The following DNAI3 variants were observed in gnomAD, a reference collection of about 807,000 sequenced individuals.
DNAI3 encodes the protein WD repeat domain 63.
DNAI3 carries 83 observed loss-of-function variants against 115.5 expected under a neutral mutation model. That is an observed-to-expected ratio of 0.72 (90% CI 0.60 to 0.86). The LOEUF is 0.86. Ranked by LOEUF, DNAI3 falls within the 40% of genes least tolerant of loss-of-function variation. DNAI3 has a pLI of 0.00. For synonymous variants in DNAI3, 320 were observed against 347.0 expected (o/e 0.92, Z 0.86); for missense variants, 1,004 against 1,075.8 (o/e 0.93, Z 0.93).
chr1:85,119,315 C>T (rs1015632625), intron 17 of DNAI3, among the ~76,000 whole-genome samples: 1 of 152,206 alleles, frequency 6.6e-6, no homozygotes, highest in South Asian at 2.1e-4. Flanking sequence ...GGCGTCTGTA[C>T]GCACTAAACA....
chr1:85,117,578 G>A lies in DNAI3; in HGVS notation c.1787-151G>A, dbSNP rs182102673. On this transcript the variant is annotated intron_variant, in intron 16 of 22. Coordinates refer to ENST00000294664, the MANE Select transcript of DNAI3 (RefSeq NM_145172.5). Reference sequence around the variant, plus strand: ...AAAAGAGGGTTCTTTTGCTAAATTAGAAATCTAAAAATGCTTGGACTTATG... The same window carrying A: ...AAAAGAGGGTTCTTTTGCTAAATTAAAAATCTAAAAATGCTTGGACTTATG... The A allele has an allele frequency of 1.0e-4, 113 of 1,081,214 alleles. No individual in the cohort carries two copies. In the East Asian group the frequency reaches 2.6e-3, roughly 25 times the overall value. 67.0% of individuals were successfully genotyped at this position (1,081,214 alleles called of 1,614,324 possible). A position where few individuals can be genotyped will look rare whatever the true frequency, so the allele number is the denominator to read the frequency against.
At chr1:85,075,010 C>A (rs569759212) in intron 3 of DNAI3, among the ~76,000 whole-genome samples, 3 of 152,296 alleles carry the variant, frequency 2.0e-5, no homozygotes, top group African/African-American at 7.2e-5. Flanking sequence ...TGTTTTCTCC[C>A]AGATAGCACT....
chr1:85,087,233 C>T (rs1042972192), intron 7 of DNAI3, among the ~76,000 whole-genome samples: 7 of 151,926 alleles, frequency 4.6e-5, no homozygotes, highest in Non-Finnish European at 8.8e-5. Context: ...GTCAAGAGAT[C>T]GAGACCATCC....
At chr1:85,071,340 C>T (rs1654265484) in intron 1 of DNAI3, among the ~76,000 whole-genome samples, 2 of 152,292 alleles carry the variant, frequency 1.3e-5, no homozygotes, top group South Asian at 4.2e-4. Flanking sequence ...TGACCTTGGC[C>T]AGTGTTCTGT....
intron 13 of DNAI3, among the ~76,000 whole-genome samples, chr1:85,103,921 TAATAATAATA>T: frequency 6.8e-6 from 1 of 147,298 alleles, no homozygotes; most frequent in Admixed American, 6.8e-5. Flanking sequence ...ATAATAATAA[TAATAATAATA>T]ATTTATGAAT....
intron 5 of DNAI3, among the ~76,000 whole-genome samples, chr1:85,084,275 T>C (rs981008455): frequency 2.6e-5 from 3 of 114,242 alleles, no homozygotes; most frequent in African/African-American, 5.9e-5. Context: ...TATATATATA[T>C]ATACACATCC....
In DNAI3 at chr1:85,132,985, T is replaced by C; in HGVS notation, c.2663T>C (p.Met888Thr). ...AAAGTCACAGAGAAGGGGTCATACA[T>C]GGAGGTGATGTAAAAAAGCTTCCTG... ...LIKVTEKGSY[M>T]EVM Residue 888 changes from methionine to threonine, a missense_variant, in exon 23 of 23, where the codon ATG becomes ACG. Physicochemically the swap from Met to Thr is moderately conservative, Grantham distance 81 (BLOSUM62 -1). Around this residue, in one of 3 missense-constraint regions of DNAI3, gnomAD observed 429 missense variants for 454.3 expected, o/e 0.94. Coordinates refer to ENST00000294664, the MANE Select transcript of DNAI3 (RefSeq NM_145172.5). 2 of 1,609,838 alleles carry C rather than the reference T, an allele frequency of 1.2e-6. No homozygotes were observed. Among genetic ancestry groups the C allele is most frequent in the Non-Finnish European group, 1.7e-6 (2 of 1,178,906 alleles).
intron 16 of DNAI3, among the ~76,000 whole-genome samples, chr1:85,115,364 A>G (rs817464): frequency 0.14 from 21,596 of 152,212 alleles, 2,220 homozygotes; most frequent in African/African-American, 0.29. Flanking sequence ...CAGTTTACTC[A>G]TCCTTGGAGG....
At chr1:85,064,801 G>C (rs897143002) in intron 1 of DNAI3, among the ~76,000 whole-genome samples, 3 of 152,120 alleles carry the variant, frequency 2.0e-5, no homozygotes, top group Non-Finnish European at 4.4e-5. Flanking sequence ...GGGAGGCCGA[G>C]GCAGGCAGAT....
intron 1 of DNAI3, among the ~76,000 whole-genome samples, chr1:85,066,768 G>GA (rs909270122): frequency 6.6e-6 from 1 of 151,880 alleles, no homozygotes; most frequent in Non-Finnish European, 1.5e-5. Flanking sequence ...CAACTTAATA[G>GA]AAAAAAGTTT....
At position 85,084,652 on chromosome 1, in the gene DNAI3, A is replaced by G. The variant is rs369105393; in HGVS notation, c.497A>G (p.Glu166Gly). 5.8e-6 allele frequency: 9 copies of G among 1,557,692 alleles called. No homozygotes were observed. The African/African-American group carries it at 9.7e-5, about 17-fold the overall frequency. ...VSKPWVSLGS[E>G]KEIEEESVTE... ...AAACCATGGGTTTCTTTGGGCAGTG[A>G]AAAAGAAATTGAGGAAGAATCAGTT... The change falls in exon 6 of 23, where the codon GAA becomes GGA. Residue 166 changes from glutamate (E) to glycine (G), a missense_variant. Physicochemically the swap from Glu to Gly is moderately conservative, Grantham distance 98 (BLOSUM62 -2). This residue lies in a region of DNAI3 where 550 missense variants were observed against 568.1 expected (regional missense o/e 0.97). Transcript: ENST00000294664.
intron 5 of DNAI3, among the ~76,000 whole-genome samples, chr1:85,082,767 G>A (rs528091261): frequency 2.0e-5 from 3 of 152,268 alleles, no homozygotes; most frequent in East Asian, 1.9e-4. Flanking sequence ...GACCCAGATC[G>A]GGTTCTGGCA....
At chr1:85,100,317 T>A (rs1291384716) in intron 13 of DNAI3, among the ~76,000 whole-genome samples, 2 of 152,114 alleles carry the variant, frequency 1.3e-5, no homozygotes, top group Non-Finnish European at 2.9e-5. Context: ...ACGAAGGATA[T>A]GAACAGACAC....
At position 85,094,501 on chromosome 1, in the gene DNAI3, G is replaced by A. The variant is rs781477193; in HGVS notation, c.1119G>A (p.Leu373=). Residue 373 remains leucine, a synonymous_variant, in exon 10 of 23, where the codon TTG becomes TTA. Transcript: ENST00000294664. ...GAGTTCACTTTTCTGGTAAATTATT[G>A]CTGCAGCCATCACTGATTCTTTTCT... ...EDRVHFSGKL[L]LQPSLILFWS... 1.5e-5 allele frequency: 25 copies of A among 1,614,148 alleles called. No individual in the cohort carries two copies. Among genetic ancestry groups the A allele is most frequent in the Non-Finnish European group, 2.1e-5 (25 of 1,180,012 alleles).
chr1:85,110,255 T>C (rs1655614419), intron 16 of DNAI3, 120 bp downstream of exon 16: 1 of 801,222 alleles, frequency 1.2e-6, no homozygotes, highest in Admixed American at 2.6e-5. Context: ...ATCGAGATCA[T>C]CCTGGCTAAC....
In DNAI3 at chr1:85,110,082, A is replaced by T; in HGVS notation, c.1733A>T (p.His578Leu). 1 of 1,613,514 alleles carries T rather than the reference A, an allele frequency of 6.2e-7. No homozygotes were observed. The change falls in exon 16 of 23, where the codon CAC (histidine) becomes CTC (leucine). Residue 578 changes from histidine to leucine, a missense_variant. By Grantham distance (99) the His-to-Leu change is moderately conservative. This residue lies in a region of DNAI3 where 429 missense variants were observed against 454.3 expected (regional missense o/e 0.94). Coordinates refer to ENST00000294664, the MANE Select transcript of DNAI3 (RefSeq NM_145172.5). ...RLSKGETSLD[H>L]CPTKISLNED... ...TCCAAGGGTGAAACAAGTTTAGACCACTGTCCAACCAAGATAAGCCTGAAT... is the reference window on the plus strand; with the variant it reads ...TCCAAGGGTGAAACAAGTTTAGACCTCTGTCCAACCAAGATAAGCCTGAAT...
At chr1:85,129,813 T>C (rs1656259837) in intron 21 of DNAI3, among the ~76,000 whole-genome samples, 177 bp from the exon 22 acceptor site, 1 of 152,108 alleles carries the variant, frequency 6.6e-6, no homozygotes, top group African/African-American at 2.4e-5. Context: ...TATCACAAAA[T>C]AGATAATCTA....
At chr1:85,071,155 A>G (rs1265416045) in intron 1 of DNAI3, among the ~76,000 whole-genome samples, 2 of 152,230 alleles carry the variant, frequency 1.3e-5, no homozygotes, top group African/African-American at 2.4e-5. Flanking sequence ...AAATAGATGA[A>G]TAAACTGAGA....
intron 16 of DNAI3, among the ~76,000 whole-genome samples, chr1:85,116,644 A>T (rs927749223): frequency 2.0e-5 from 3 of 152,246 alleles, no homozygotes; most frequent in Non-Finnish European, 4.4e-5. Context: ...TTAAATGGGT[A>T]CAAAATGCCT....
Sources: gnomAD v4.1 joint callset for allele counts (sites outside exome capture counted in the v4.1 genomes callset) on GRCh38, gnomAD v4.1.1 for gene constraint, gnomAD v4.1.1 regional missense constraint, MANE v1.5 for transcripts, NCBI Gene and HGNC (gene_info 2026-07-23, HGNC 2026-07-21) for gene names.